MED27: variants seen among roughly 807,000 people sequenced by gnomAD.
MED27 encodes mediator complex subunit 27.
A neutral mutation model predicts 38.2 loss-of-function variants in MED27; 30 were observed. The ratio of observed to expected loss-of-function variants is 0.79; its 90% confidence interval spans 0.59 to 1.07. The LOEUF (loss-of-function observed/expected upper bound fraction) is 1.07, where lower values mean the gene tolerates loss of function less well. MED27 is among the 50% of genes least tolerant of loss of function. The probability of loss-of-function intolerance (pLI) is 0.00; values close to 1 mark genes in which losing one functional copy is unlikely to be tolerated. For missense variants in MED27, 289 were observed against 397.5 expected (o/e 0.73, Z 2.32); for synonymous variants, 122 against 153.5 (o/e 0.79, Z 1.52).
intron 3 of MED27, among the ~76,000 whole-genome samples, chr9:131,996,182 G>T (rs555933435): frequency 4.7e-4 from 72 of 152,328 alleles, no homozygotes; most frequent in Admixed American, 2.0e-3. Flanking sequence ...GGTTCTGCTC[G>T]TAAGAAGCAG....
At chr9:132,026,790 A>G (rs1832831813) in intron 2 of MED27, among the ~76,000 whole-genome samples, 1 of 152,212 alleles carries the variant, frequency 6.6e-6, no homozygotes, top group African/African-American at 2.4e-5. Flanking sequence ...AAAAAAAATA[A>G]TAACATTAGC....
chr9:131,965,047 TAAGTCA>T (rs1429886205), intron 3 of MED27, among the ~76,000 whole-genome samples: 2 of 152,240 alleles, frequency 1.3e-5, no homozygotes, highest in Non-Finnish European at 2.9e-5. Flanking sequence ...TAGTTTCACT[TAAGTCA>T]AAAAGGTTTG....
intron 3 of MED27, among the ~76,000 whole-genome samples, chr9:131,981,586 G>A (rs1363223946): frequency 6.6e-6 from 1 of 152,214 alleles, no homozygotes; most frequent in Non-Finnish European, 1.5e-5. Context: ...AGGAGGAGGA[G>A]CAGAAAGGGC....
chr9:132,034,059 A>G (rs1833021266), intron 2 of MED27, among the ~76,000 whole-genome samples: 1 of 152,214 alleles, frequency 6.6e-6, no homozygotes, highest in Non-Finnish European at 1.5e-5. Flanking sequence ...CACAGCACCA[A>G]TACAGCCCCG....
intron 3 of MED27, among the ~76,000 whole-genome samples, chr9:131,961,990 G>T (rs145057744): frequency 6.6e-6 from 1 of 152,270 alleles, no homozygotes; most frequent in East Asian, 1.9e-4. Context: ...ACAACTGAGA[G>T]GATAGCTAGT....
chr9:131,898,048 G>A (rs995031550), intron 4 of MED27, among the ~76,000 whole-genome samples: 1 of 151,478 alleles, frequency 6.6e-6, no homozygotes, highest in Non-Finnish European at 1.5e-5. Flanking sequence ...TTAACATGCT[G>A]CTCCTTCCTC....
intron 3 of MED27, among the ~76,000 whole-genome samples, chr9:131,942,641 T>C (rs1011641049): frequency 2.0e-5 from 3 of 152,194 alleles, no homozygotes; most frequent in African/African-American, 7.2e-5. Flanking sequence ...GGTAACATCA[T>C]AATTTGCTTT....
chr9:131,883,579 C>T lies in MED27; in HGVS notation c.723+479G>A, dbSNP rs141323795. ...GGGAGTGCCAGCCTGCTTCCCTTGG[C>T]CCATCCCTTGGGCACCAGTGGAGAC... is the stretch of plus-strand genomic sequence containing the variant. On this transcript the variant is annotated intron_variant, in intron 6 of 7. Transcript: ENST00000292035. The surrounding 1 kb of genome is among the most constrained non-coding windows in gnomAD (Gnocchi z 4.2). Among the ~76,000 whole-genome samples the T allele has an allele frequency of 4.6e-5, 7 of 152,304 alleles. No homozygotes were observed. The East Asian group carries it at 1.2e-3, about 25-fold the overall frequency.
At chr9:131,953,240 T>TGC (rs761289021) in intron 3 of MED27, among the ~76,000 whole-genome samples, 1 of 152,244 alleles carries the variant, frequency 6.6e-6, no homozygotes, top group Non-Finnish European at 1.5e-5. Flanking sequence ...TCTGGTTTTC[T>TGC]GCTGCCTCTC....
chr9:132,056,236 C>T (rs960704651), intron 2 of MED27, among the ~76,000 whole-genome samples: 3 of 152,126 alleles, frequency 2.0e-5, no homozygotes, highest in African/African-American at 7.2e-5. Flanking sequence ...TTATTAGTTC[C>T]ACAACAGACA....
chr9:131,921,551 A>G (rs942474300), intron 4 of MED27, among the ~76,000 whole-genome samples: 41 of 152,246 alleles, frequency 2.7e-4, no homozygotes, highest in African/African-American at 9.4e-4. Context: ...ATGTGGAGAA[A>G]TAGGAACACT....
chr9:131,941,817 A>ATTTTTTTTTTTTTTTTT lies in MED27; in HGVS notation c.480-2360_480-2344dup, dbSNP rs766438800. Among the ~76,000 whole-genome samples, 4 of 82,514 alleles carry ATTTTTTTTTTTTTTTTT rather than the reference A, an allele frequency of 4.8e-5. 1 individual carries two copies. The highest frequency in any genetic ancestry group is 4.5e-4 in the East Asian group (1 of 2,204). The allele number at this position is 82,514 out of a possible 152,430, so 54.1% of individuals were successfully genotyped here. A position where few individuals can be genotyped will look rare whatever the true frequency, so the allele number is the denominator to read the frequency against. On this transcript the variant is annotated intron_variant, in intron 3 of 7. Transcript: ENST00000292035. ...TAAAGGCAAAGCCCCATTCTGCTGA[A>ATTTTTTTTTTTTTTTTT]TTTTTTTTTTTTTTTTTTTTTTTTT...
intron 6 of MED27, among the ~76,000 whole-genome samples, chr9:131,879,358 G>A (rs565846509): frequency 1.5e-4 from 23 of 152,320 alleles, no homozygotes; most frequent in African/African-American, 5.1e-4. Flanking sequence ...GCTTTCCCTC[G>A]TTCTGGGCTG....
At chr9:131,931,779 A>G (rs1454347403) in intron 4 of MED27, among the ~76,000 whole-genome samples, 2 of 152,234 alleles carry the variant, frequency 1.3e-5, no homozygotes, top group Non-Finnish European at 2.9e-5. Flanking sequence ...ATATAATGCT[A>G]AAGGGGTCAA....
chr9:132,032,502 CA>C (rs1468798374), intron 2 of MED27, among the ~76,000 whole-genome samples: 2 of 152,144 alleles, frequency 1.3e-5, no homozygotes, highest in Admixed American at 1.3e-4. Context: ...TCTGCTCTGC[CA>C]AAGAACTGTC....
chr9:131,923,748 T>C (rs1376685710), intron 4 of MED27, among the ~76,000 whole-genome samples: 2 of 152,238 alleles, frequency 1.3e-5, no homozygotes, highest in African/African-American at 2.4e-5. Flanking sequence ...CTTTCCCATC[T>C]ACCCACCCAT....
Position 132,062,992 on chromosome 9 carries a change from G to A in MED27, c.348+14450C>T, listed in dbSNP as rs73557123. Among the ~76,000 whole-genome samples, 439 of 152,290 alleles carry A rather than the reference G, an allele frequency of 2.9e-3. 2 individuals carry two copies. The highest frequency in any genetic ancestry group is 8.8e-3 in the African/African-American group (367 of 41,552). ...CTGAAAGGTCACTCTGACTATGTGG[G>A]AAAAGGACCAGATGTAAGACAGGGC... On this transcript the variant is annotated intron_variant, in intron 2 of 7. Transcript: ENST00000292035.
chr9:131,917,245 C>T lies in MED27; in HGVS notation c.573+22136G>A, dbSNP rs1278667400. Among the ~76,000 whole-genome samples, 1 of 152,074 alleles carries T rather than the reference C, an allele frequency of 6.6e-6. No individual in the cohort carries two copies. The highest frequency in any genetic ancestry group is 1.5e-5 in the Non-Finnish European group (1 of 68,024). ...AACTGAAATTGTTCCATCCAAACTG[C>T]CAACAGTGCCTCCACTGAGAAACAT... On this transcript the variant is annotated intron_variant, in intron 4 of 7. Transcript: ENST00000292035. This position sits in a 1 kb window ranked among gnomAD's most constrained non-coding sequence, Gnocchi z 4.6.
intron 2 of MED27, among the ~76,000 whole-genome samples, chr9:132,033,056 C>T (rs1043488407): frequency 3.9e-5 from 6 of 152,252 alleles, no homozygotes; most frequent in South Asian, 4.1e-4. Flanking sequence ...TTTCCTACCC[C>T]GCCAGCTAAA....
Sources: gnomAD v4.1 joint callset for allele counts (sites outside exome capture counted in the v4.1 genomes callset) on GRCh38, gnomAD v4.1.1 for gene constraint, Gnocchi (gnomAD v3.1) non-coding constraint, MANE v1.5 for transcripts, NCBI Gene and HGNC (gene_info 2026-07-23, HGNC 2026-07-21) for gene names.